KDM4C: variants seen among roughly 807,000 people sequenced by gnomAD.
KDM4C encodes the protein lysine-specific demethylase 4C.
In KDM4C, 81 loss-of-function variants were observed where a neutral mutation model predicts 129.3. That is an observed-to-expected ratio of 0.63 (90% CI 0.52 to 0.75). The LOEUF (loss-of-function observed/expected upper bound fraction) is 0.75, where lower values mean the gene tolerates loss of function less well. Ranked by LOEUF, KDM4C falls within the 30% of genes least tolerant of loss-of-function variation. The pLI is 0.00. For synonymous variants in KDM4C, 573 were observed against 456.1 expected, an observed-to-expected ratio of 1.26 and a Z score of -3.26; for missense variants, 1,457 against 1,304.0, an observed-to-expected ratio of 1.12 and a Z score of -1.81.
At chr9:6,795,995 T>C (rs373340719) in intron 2 of KDM4C, among the ~76,000 whole-genome samples, 1 of 152,072 alleles carries the variant, frequency 6.6e-6, no homozygotes, top group South Asian at 2.1e-4. Flanking sequence ...GTTTTAAAAT[T>C]TGGGAATATT....
chr9:7,017,300 T>A (rs1045104392), intron 15 of KDM4C, among the ~76,000 whole-genome samples: 1 of 152,182 alleles, frequency 6.6e-6, no homozygotes, highest in Non-Finnish European at 1.5e-5. Context: ...CATTTATACT[T>A]TAATACATTT....
intron 5 of KDM4C, among the ~76,000 whole-genome samples, chr9:6,862,950 C>T (rs995983182): frequency 6.6e-6 from 1 of 152,092 alleles, no homozygotes; most frequent in East Asian, 1.9e-4. Context: ...CCCTTTAAGC[C>T]ACTTTATCTT....
chr9:6,813,397 A>G (rs1024784906), intron 3 of KDM4C, among the ~76,000 whole-genome samples: 6 of 152,210 alleles, frequency 3.9e-5, no homozygotes, highest in African/African-American at 9.6e-5. Flanking sequence ...AAATTGTTCT[A>G]TGTTTTAAAT....
intron 1 of KDM4C, among the ~76,000 whole-genome samples, chr9:6,764,762 T>C (rs1490880459): frequency 6.6e-6 from 1 of 152,166 alleles, no homozygotes; most frequent in Non-Finnish European, 1.5e-5. Flanking sequence ...CAATGATGAG[T>C]CATCAAAGCC....
intron 1 of KDM4C, among the ~76,000 whole-genome samples, chr9:6,732,037 C>G (rs1228186409): frequency 1.3e-5 from 2 of 151,926 alleles, no homozygotes; most frequent in Non-Finnish European, 2.9e-5. Context: ...ACCCAGGGTC[C>G]CCATAAACCA....
At chr9:6,959,874 A>G (rs1829733521) in intron 8 of KDM4C, among the ~76,000 whole-genome samples, 1 of 152,154 alleles carries the variant, frequency 6.6e-6, no homozygotes, top group Non-Finnish European at 1.5e-5. Context: ...TTAAAATGAA[A>G]TAAAAGCCTG....
chr9:6,887,998 C>T lies in KDM4C; in HGVS notation c.718C>T (p.Leu240Phe). The T allele has an allele frequency of 6.2e-7, 1 of 1,612,256 alleles. No homozygotes were observed. Among genetic ancestry groups the T allele is most frequent in the Non-Finnish European group, 8.5e-7 (1 of 1,178,688 alleles). The change falls in exon 7 of 22, where the codon CTT (leucine) becomes TTT (phenylalanine). Residue 240 changes from leucine to phenylalanine, a missense_variant. Physicochemically the swap from Leu to Phe is conservative, Grantham distance 22. Coordinates refer to ENST00000381309, the MANE Select transcript of KDM4C (RefSeq NM_015061.6). Reference protein sequence around the residue: ...PSSSQGCDAFLRHKMTLISPS... With the variant: ...PSSSQGCDAFFRHKMTLISPS... The stretch of plus-strand genomic sequence containing the variant: ...CAGCTCCCAAGGGTGTGATGCATTT[C>T]TTCGCCACAAGATGACATTGATTTC...
intron 8 of KDM4C, among the ~76,000 whole-genome samples, chr9:6,908,827 A>G (rs1818783299): frequency 6.6e-6 from 1 of 152,224 alleles, no homozygotes; most frequent in Admixed American, 6.5e-5. Flanking sequence ...AATTGGGATA[A>G]TAATACCAAA....
intron 4 of KDM4C, among the ~76,000 whole-genome samples, chr9:6,841,303 A>G (rs1345824399): frequency 2.0e-5 from 3 of 152,166 alleles, no homozygotes; most frequent in Non-Finnish European, 4.4e-5. Context: ...GAAATCAGCC[A>G]CATGAGGATA....
intron 1 of KDM4C, among the ~76,000 whole-genome samples, chr9:6,773,668 C>T (rs967511598): frequency 2.0e-5 from 3 of 151,458 alleles, no homozygotes; most frequent in Admixed American, 1.3e-4. Flanking sequence ...CTGCTCAGGT[C>T]GCTGAGGCAG....
intron 4 of KDM4C, among the ~76,000 whole-genome samples, chr9:6,838,370 G>A (rs1486542131): frequency 2.6e-5 from 4 of 152,130 alleles, no homozygotes; most frequent in Non-Finnish European, 5.9e-5. Flanking sequence ...TAGACTTGAT[G>A]TTAATTTGTG....
intron 17 of KDM4C, among the ~76,000 whole-genome samples, chr9:7,051,514 A>C (rs554862561): frequency 6.6e-6 from 1 of 152,206 alleles, no homozygotes; most frequent in Admixed American, 6.5e-5. Context: ...CTTTCCTGAC[A>C]TAGGCATTCT....
At chr9:6,754,917 T>G (rs1818192612), upstream of KDM4C, among the ~76,000 whole-genome samples, 1 of 150,868 alleles carries the variant, frequency 6.6e-6, no homozygotes, top group African/African-American at 2.4e-5. Flanking sequence ...GCATATAAAT[T>G]TGCTGCATTA....
rs371186308 is a variant in KDM4C, at chr9:7,009,286, A to G, written c.1787-2412A>G. Among the ~76,000 whole-genome samples the G allele has an allele frequency of 7.9e-4, 121 of 152,284 alleles. 1 individual carries two copies. The highest frequency in any genetic ancestry group is 2.7e-3 in the African/African-American group (114 of 41,558). On this transcript the variant is annotated intron_variant, in intron 12 of 21. Transcript: ENST00000381309. ...AGAGGGCTTCACATTTCTGCCAGCC[A>G]CCCAAGTCTGAATGACTGTAGTTTG...
intron 18 of KDM4C, among the ~76,000 whole-genome samples, chr9:7,126,244 C>T (rs1237782983): frequency 6.6e-6 from 1 of 152,148 alleles, no homozygotes; most frequent in East Asian, 1.9e-4. Context: ...ATGGAGTCTA[C>T]AATTCATGCC....
At chr9:6,939,980 T>TTCCTTCCTTCCTC (rs1825589351) in intron 8 of KDM4C, among the ~76,000 whole-genome samples, 1 of 82,740 alleles carries the variant, frequency 1.2e-5, no homozygotes, top group African/African-American at 4.5e-5. Context: ...CTACCTACCT[T>TTCCTTCCTTCCTC]CCTTCCTTCC....
At chr9:6,841,861 A>C (rs1836989092) in intron 4 of KDM4C, among the ~76,000 whole-genome samples, 1 of 152,210 alleles carries the variant, frequency 6.6e-6, no homozygotes. Flanking sequence ...TGCCTCACAG[A>C]GACTTCTCTT....
chr9:7,015,099 T>C (rs189394081), intron 14 of KDM4C, among the ~76,000 whole-genome samples: 1 of 152,270 alleles, frequency 6.6e-6, no homozygotes, highest in East Asian at 1.9e-4. Flanking sequence ...ATGGACATGG[T>C]TAACTGTGAT....
At chr9:6,927,093 ATCT>A (rs1563826544) in intron 8 of KDM4C, among the ~76,000 whole-genome samples, 1 of 54,966 alleles carries the variant, frequency 1.8e-5, no homozygotes, top group Non-Finnish European at 4.2e-5. Context: ...AAAATTTTCT[ATCT>A]ATCTATCTAT....
Sources: allele counts gnomAD v4.1 joint callset (sites outside exome capture counted in the v4.1 genomes callset), GRCh38; gene constraint gnomAD v4.1.1; transcripts MANE v1.5; gene names NCBI Gene and HGNC (gene_info 2026-07-23, HGNC 2026-07-21).